Variants in PKN2 observed in about 807,000 individuals in gnomAD.
The protein encoded by PKN2 is serine/threonine-protein kinase N2.
PKN2 carries 38 observed loss-of-function variants against 119.1 expected under a neutral mutation model. The observed-to-expected ratio is 0.32, with a 90% CI of 0.25 to 0.42. PKN2 has a LOEUF of 0.42. Ranked by LOEUF, PKN2 falls within the 10% of genes least tolerant of loss-of-function variation. PKN2 has a pLI of 1.00. For missense variants in PKN2, 850 were observed against 1,165.1 expected, an observed-to-expected ratio of 0.73 and a Z score of 3.94; for synonymous variants, 390 against 384.9, an observed-to-expected ratio of 1.01 and a Z score of -0.15.
chr1:88,821,657 TTA>T (rs1672295764), intron 16 of PKN2, among the ~76,000 whole-genome samples: 1 of 152,234 alleles, frequency 6.6e-6, no homozygotes, highest in African/African-American at 2.4e-5. Flanking sequence ...TCCTTTGTCC[TTA>T]TGTTATATTG....
chr1:88,740,852 G>A, intron 1 of PKN2, 136 bp from the exon 2 acceptor site: 1 of 521,128 alleles, frequency 1.9e-6, no homozygotes. Context: ...TTGGTCTATT[G>A]CTTATTAAGG....
At chr1:88,708,441 T>C (rs1667090023) in intron 1 of PKN2, among the ~76,000 whole-genome samples, 1 of 152,134 alleles carries the variant, frequency 6.6e-6, no homozygotes, top group Non-Finnish European at 1.5e-5. Flanking sequence ...AATGTTTCTT[T>C]GTTTTGGAAT....
At chr1:88,737,993 A>G (rs1010645880) in intron 1 of PKN2, among the ~76,000 whole-genome samples, 5 of 152,094 alleles carry the variant, frequency 3.3e-5, no homozygotes, top group East Asian at 1.9e-4. Flanking sequence ...ATCATGTTCA[A>G]ATTTATGTTT....
chr1:88,833,259 C>A lies in PKN2; in HGVS notation c.2766C>A (p.Ser922Arg). Residue 922 changes from serine (S) to arginine (R), a missense_variant, in exon 22 of 22, where the codon AGC becomes AGA. Coordinates refer to ENST00000370521, the MANE Select transcript of PKN2 (RefSeq NM_006256.4). ...KHPFFRLIDWSALMDKKVKPP... is the reference protein window; with the variant it reads ...KHPFFRLIDWRALMDKKVKPP... ...TTATGATCCAGCTAATTGATTGGAG[C>A]GCTCTGATGGACAAAAAAGTAAAGC... The A allele has an allele frequency of 6.2e-7, 1 of 1,612,894 alleles. No homozygotes were observed. Among genetic ancestry groups the A allele is most frequent in the Non-Finnish European group, 8.5e-7 (1 of 1,179,264 alleles).
intron 6 of PKN2, among the ~76,000 whole-genome samples, chr1:88,776,889 A>C (rs2100813740): frequency 6.6e-6 from 1 of 152,170 alleles, no homozygotes; most frequent in South Asian, 2.1e-4. Flanking sequence ...TTCACAGTTT[A>C]ATTATAATGT....
At chr1:88,793,729 A>G (rs1670940884) in intron 8 of PKN2, among the ~76,000 whole-genome samples, 1 of 152,158 alleles carries the variant, frequency 6.6e-6, no homozygotes, top group African/African-American at 2.4e-5. Context: ...TATAACCCAC[A>G]CACATCCTCC....
chr1:88,821,695 A>G (rs932794146), intron 16 of PKN2, among the ~76,000 whole-genome samples: 1 of 152,138 alleles, frequency 6.6e-6, no homozygotes, highest in Non-Finnish European at 1.5e-5. Context: ...AACCAGATCA[A>G]ATGTCCCCTC....
chr1:88,692,365 A>G (rs1161010472), intron 1 of PKN2, among the ~76,000 whole-genome samples: 2 of 152,198 alleles, frequency 1.3e-5, no homozygotes, highest in Non-Finnish European at 2.9e-5. Flanking sequence ...CATGTGCCAC[A>G]GTTCCTATTA....
intron 1 of PKN2, among the ~76,000 whole-genome samples, chr1:88,718,960 CCTCT>C (rs748111567): frequency 2.0e-4 from 31 of 152,074 alleles, no homozygotes; most frequent in Non-Finnish European, 2.6e-4. Flanking sequence ...CTTCTGGATA[CCTCT>C]CTCTTTCTTA....
chr1:88,740,952 T>C, intron 1 of PKN2, 36 bp from the exon 2 acceptor site: 1 of 1,466,378 alleles, frequency 6.8e-7, no homozygotes, highest in South Asian at 1.4e-5. Flanking sequence ...CCAACTCTCC[T>C]AAACTCCCAC....
At chr1:88,751,684 CATT>C (rs1669005776) in intron 2 of PKN2, among the ~76,000 whole-genome samples, 1 of 152,130 alleles carries the variant, frequency 6.6e-6, no homozygotes, top group African/African-American at 2.4e-5. Flanking sequence ...TCTATACAGT[CATT>C]GTTGGTTTAT....
chr1:88,709,590 G>A lies in PKN2; in HGVS notation c.48+24962G>A, dbSNP rs554013318. On this transcript the variant is annotated intron_variant, in intron 1 of 21. Transcript: ENST00000370521. ...AAAATGGACATAATAGAAACTTAGG[G>A]TTAAAATTAGAGCCATATTAGGAAC... Among the ~76,000 whole-genome samples the A allele has an allele frequency of 2.6e-4, 39 of 152,142 alleles. No individual in the cohort carries two copies. In the South Asian group the frequency reaches 7.7e-3, roughly 30 times the overall value.
At chr1:88,779,351 C>A (rs948960008) in intron 6 of PKN2, among the ~76,000 whole-genome samples, 1 of 147,894 alleles carries the variant, frequency 6.8e-6, no homozygotes, top group Non-Finnish European at 1.5e-5. Flanking sequence ...CTGTCAGTTT[C>A]TTTTTCTGTT....
chr1:88,693,401 T>A (rs919559083), intron 1 of PKN2, among the ~76,000 whole-genome samples: 2 of 152,206 alleles, frequency 1.3e-5, no homozygotes, highest in African/African-American at 4.8e-5. Flanking sequence ...ATAAAAAAAA[T>A]TCTTAAGTCA....
chr1:88,751,588 A>G (rs534608333), intron 2 of PKN2, among the ~76,000 whole-genome samples: 3 of 152,244 alleles, frequency 2.0e-5, no homozygotes, highest in African/African-American at 7.2e-5. Context: ...ATATTATGTA[A>G]TAAACTTAGA....
intron 16 of PKN2, among the ~76,000 whole-genome samples, chr1:88,819,637 T>C (rs1413919828): frequency 6.6e-6 from 1 of 152,132 alleles, no homozygotes; most frequent in Non-Finnish European, 1.5e-5. Flanking sequence ...CTAGAAATAT[T>C]ATTTGACCCA....
intron 1 of PKN2, among the ~76,000 whole-genome samples, chr1:88,729,185 C>T (rs112046943): frequency 0.04 from 6,059 of 152,218 alleles, 276 homozygotes; most frequent in African/African-American, 0.1. Context: ...TGAGCCACTG[C>T]GCCCAGCCAA....
intron 1 of PKN2, among the ~76,000 whole-genome samples, chr1:88,714,323 G>T (rs920350368): frequency 6.6e-5 from 10 of 152,098 alleles, no homozygotes; most frequent in African/African-American, 2.2e-4. Context: ...GTGAAGAAAG[G>T]CATTGGTAGT....
At position 88,748,737 on chromosome 1, in the gene PKN2, C is replaced by T. The variant is rs890016231; in HGVS notation, c.349+7449C>T. 2.0e-5 allele frequency among the ~76,000 whole-genome samples: 3 copies of T among 151,480 alleles called. No individual in the cohort carries two copies. The East Asian group carries it at 5.8e-4, about 29-fold the overall frequency. On this transcript the variant is annotated intron_variant, in intron 2 of 21. Coordinates refer to ENST00000370521, the MANE Select transcript of PKN2 (RefSeq NM_006256.4). The stretch of plus-strand genomic sequence containing the variant: ...ATCGTTTGAGCTCAGGAGTTTGAGA[C>T]CAGCCTGAGCAACATAGTGAAACTT...
Sources: allele counts gnomAD v4.1 joint callset (sites outside exome capture counted in the v4.1 genomes callset), GRCh38; gene constraint gnomAD v4.1.1; transcripts MANE v1.5; gene names NCBI Gene and HGNC (gene_info 2026-07-23, HGNC 2026-07-21).